GAK: variants seen among roughly 807,000 people sequenced by gnomAD.
GAK encodes the protein cyclin G associated kinase.
In GAK, 79 loss-of-function variants were observed where a neutral mutation model predicts 143.9. That is an observed-to-expected ratio of 0.55 (90% confidence interval 0.46 to 0.66). The LOEUF (loss-of-function observed/expected upper bound fraction) is 0.66. Among genes scored for constraint, GAK ranks in the 30% least tolerant of loss-of-function variants. The pLI is 0.00. For missense variants in GAK, 1,693 were observed against 1,779.7 expected, an observed-to-expected ratio of 0.95 and a Z score of 0.88; for synonymous variants, 881 against 765.5, an observed-to-expected ratio of 1.15 and a Z score of -2.49.
chr4:856,520 C>G (rs556820241), intron 24 of GAK, among the ~76,000 whole-genome samples: 340 of 146,086 alleles, frequency 2.3e-3, no homozygotes, highest in Non-Finnish European at 3.7e-3. Flanking sequence ...GCTGCTCACA[C>G]CTGCTCACCA....
intron 20 of GAK, among the ~76,000 whole-genome samples, chr4:867,665 C>T (rs1430369120): frequency 6.7e-6 from 1 of 149,682 alleles, no homozygotes; most frequent in African/African-American, 2.5e-5. Context: ...CTCCTCGGCC[C>T]AGGGCCTTGG....
At chr4:909,890 G>C (rs575022486) in intron 4 of GAK, among the ~76,000 whole-genome samples, 22 of 152,220 alleles carry the variant, frequency 1.4e-4, no homozygotes, top group African/African-American at 5.3e-4. Context: ...GAAGAACTGG[G>C]GCTACCTGGC....
At position 929,908 on chromosome 4, in the gene GAK, TTTAA is replaced by T. The variant is rs149158457; in HGVS notation, c.145+2131_145+2134del. 9.4e-4 allele frequency among the ~76,000 whole-genome samples: 143 copies of T among 152,370 alleles called. 2 individuals are homozygous for T. The East Asian group carries it at 0.024, about 26-fold the overall frequency. ...AACTGATATGGGGTTAATTACAGAC[TTTAA>T]TTATCCCACAGTGAGAATATTTATT... On this transcript the variant is annotated intron_variant, in intron 1 of 27. Transcript: ENST00000314167.
At chr4:916,471 T>C (rs554563897) in intron 1 of GAK, among the ~76,000 whole-genome samples, 82 of 152,210 alleles carry the variant, frequency 5.4e-4, no homozygotes, top group African/African-American at 1.8e-3. Context: ...CCCAGGCGGG[T>C]CTAGCCTCCC....
chr4:906,825 G>A (rs1321114027), intron 4 of GAK, among the ~76,000 whole-genome samples: 1 of 152,172 alleles, frequency 6.6e-6, no homozygotes, highest in Non-Finnish European at 1.5e-5. Context: ...CACGCTGCCA[G>A]AGCTTGCGCT....
intron 1 of GAK, among the ~76,000 whole-genome samples, chr4:921,677 C>T (rs978045040): frequency 5.9e-5 from 9 of 151,392 alleles, no homozygotes; most frequent in Admixed American, 3.3e-4. Flanking sequence ...CAACAGACCC[C>T]GCTTTGTTTG....
chr4:930,570 C>T (rs1485553415), intron 1 of GAK, among the ~76,000 whole-genome samples: 3 of 149,162 alleles, frequency 2.0e-5, no homozygotes, highest in Non-Finnish European at 3.0e-5. Flanking sequence ...TGTCCCTGTG[C>T]TGCCTCTGTC....
rs762648905 is a variant in GAK at position 850,006 on chromosome 4, T to C, written c.3720A>G (p.Thr1240=). Residue 1240 remains threonine (T), a synonymous_variant, in exon 27 of 28, where the codon ACA becomes ACG. Transcript: ENST00000314167. ...NIRALLSTLH[T]VLWDGESRWT... ...AGCGGCTCTCCCCGTCCCACAGCAC[T>C]GTGTGCAGCGTGGACAGCAGGGCCC... 2.5e-6 allele frequency: 4 copies of C among 1,610,194 alleles called. No individual in the cohort carries two copies. The highest frequency in any genetic ancestry group is 1.1e-5 in the South Asian group (1 of 90,450).
chr4:924,711 T>TG (rs1724425190), intron 1 of GAK, among the ~76,000 whole-genome samples: 1 of 152,186 alleles, frequency 6.6e-6, no homozygotes, highest in South Asian at 2.1e-4. Context: ...CCCCATGGCG[T>TG]GGCTGCTCTC....
rs867783038 is a variant in GAK at position 883,367 on chromosome 4, G to C, written c.1352C>G (p.Ala451Gly). The C allele has an allele frequency of 6.2e-7, 1 of 1,613,752 alleles. No individual in the cohort carries two copies. The highest frequency in any genetic ancestry group is 1.3e-5 in the African/African-American group (1 of 75,064). Residue 451 changes from alanine to glycine, a missense_variant, in exon 13 of 28, where the codon GCC (alanine) becomes GGC (glycine). Ala to Gly is a moderately conservative substitution (Grantham distance 60). Around this residue, in one of 2 missense-constraint regions of GAK, gnomAD observed 871 missense variants for 991.0 expected, o/e 0.88. Coordinates refer to ENST00000314167, the MANE Select transcript of GAK (RefSeq NM_005255.4). ...FLDSKHPGHY[A>G]VYNLSPRTYR... ...GGTCCTCGGGGACAGGTTGTAGACGGCATAGTGCCCTGGGTGCTTGGAGTC... is the reference window on the plus strand; with the variant it reads ...GGTCCTCGGGGACAGGTTGTAGACGCCATAGTGCCCTGGGTGCTTGGAGTC...
chr4:883,333 G>C lies in GAK; in HGVS notation c.1386C>G (p.Pro462=). ...CACACACCCGGTTGTGGAACCTGGA[G>C]GGCCGGTAGGTCCTCGGGGACAGGT... The part of the protein sequence containing the change: ...VYNLSPRTYR[P]SRFHNRVSEC... Residue 462 remains proline (P), a synonymous_variant, in exon 13 of 28, where the codon CCC becomes CCG. Coordinates refer to ENST00000314167, the MANE Select transcript of GAK (RefSeq NM_005255.4). The C allele has an allele frequency of 6.2e-7, 1 of 1,613,448 alleles. No individual in the cohort carries two copies. The highest frequency in any genetic ancestry group is 8.5e-7 in the Non-Finnish European group (1 of 1,179,970).
chr4:854,639 T>C (rs1489404453), intron 24 of GAK, among the ~76,000 whole-genome samples: 3 of 152,232 alleles, frequency 2.0e-5, no homozygotes, highest in Non-Finnish European at 4.4e-5. Flanking sequence ...AGTCCTCTCT[T>C]CTCTCCACAG....
chr4:921,776 T>C (rs957148533), intron 1 of GAK, among the ~76,000 whole-genome samples: 1 of 151,622 alleles, frequency 6.6e-6, no homozygotes, highest in African/African-American at 2.4e-5. Flanking sequence ...TAGGAACAGA[T>C]ACTTGAAAAC....
chr4:917,355 CACAT>C (rs1220736578), intron 1 of GAK, among the ~76,000 whole-genome samples: 8 of 152,150 alleles, frequency 5.3e-5, no homozygotes, highest in African/African-American at 1.4e-4. Flanking sequence ...TACATACACA[CACAT>C]ACAGTCAGTG....
intron 24 of GAK, chr4:859,129 C>T (rs891774984): frequency 1.7e-5 from 17 of 980,542 alleles, no homozygotes; most frequent in South Asian, 4.7e-5. Flanking sequence ...CCACAGCGCC[C>T]GGGGCCGGGC....
chr4:904,853 C>A (rs749007358), intron 4 of GAK, 74 bp from the exon 5 acceptor site: 14 of 1,473,786 alleles, frequency 9.5e-6, no homozygotes, highest in Non-Finnish European at 1.3e-5. Context: ...CTGTTTCACG[C>A]GGACTTCCCA....
chr4:884,122 G>A, intron 11 of GAK, 36 bp from the exon 12 acceptor site: 1 of 1,583,752 alleles, frequency 6.3e-7, no homozygotes, highest in Non-Finnish European at 8.7e-7. Flanking sequence ...GTTATGACAA[G>A]AAACACTCCG....
chr4:858,504 C>T (rs567942062), intron 24 of GAK, among the ~76,000 whole-genome samples: 1 of 152,222 alleles, frequency 6.6e-6, no homozygotes, highest in Non-Finnish European at 1.5e-5. Context: ...GCCCTCGCAA[C>T]CCCACCGTGC....
Position 867,373 on chromosome 4 carries a change from G to C in GAK, c.2455C>G (p.Leu819Val), listed in dbSNP as rs771776461. The stretch of plus-strand genomic sequence containing the variant: ...TCACTCTCGTCTCTGTCCTCCATCA[G>C]GGCAGACTCGCTCTCCTTGGAAGAG... Reference protein sequence around the residue: ...NASSKESESALMEDRDESEVS... With the variant: ...NASSKESESAVMEDRDESEVS... The change falls in exon 21 of 28, where the codon CTG becomes GTG. Residue 819 changes from leucine (L) to valine (V), a missense_variant. Leu to Val is a conservative substitution (Grantham distance 32, BLOSUM62 1). Around this residue, in one of 2 missense-constraint regions of GAK, gnomAD observed 822 missense variants for 788.7 expected, o/e 1.04. Coordinates refer to ENST00000314167, the MANE Select transcript of GAK (RefSeq NM_005255.4). The C allele has an allele frequency of 1.9e-6, 3 of 1,585,112 alleles. No homozygotes were observed. Among genetic ancestry groups the C allele is most frequent in the South Asian group, 1.1e-5 (1 of 87,432 alleles).
Sources: gnomAD v4.1 joint callset for allele counts (sites outside exome capture counted in the v4.1 genomes callset) on GRCh38, gnomAD v4.1.1 for gene constraint, gnomAD v4.1.1 regional missense constraint, MANE v1.5 for transcripts, NCBI Gene and HGNC (gene_info 2026-07-23, HGNC 2026-07-21) for gene names.